ST6GAL1: variants seen among roughly 807,000 people sequenced by gnomAD.
ST6GAL1 encodes the protein ST6 beta-galactoside alpha-2,6-sialyltransferase 1.
Under a neutral mutation model 38.0 loss-of-function variants are expected in ST6GAL1, and 20 were observed. The ratio of observed to expected loss-of-function variants is 0.53; its 90% CI spans 0.37 to 0.77. ST6GAL1 has a LOEUF of 0.77. Among genes scored for constraint, ST6GAL1 ranks in the 30% least tolerant of loss-of-function variants. The pLI, the probability that ST6GAL1 is intolerant of heterozygous loss-of-function variation, is 0.00. For synonymous variants in ST6GAL1, 196 were observed against 188.2 expected (o/e 1.04, Z -0.34); for missense variants, 432 against 496.4 (o/e 0.87, Z 1.23).
At chr3:186,995,197 A>G (rs1716322688) in intron 2 of ST6GAL1, among the ~76,000 whole-genome samples, 1 of 152,050 alleles carries the variant, frequency 6.6e-6, no homozygotes, top group East Asian at 1.9e-4. Flanking sequence ...AGTGCAATAG[A>G]TTGATAAGAC....
At chr3:186,933,327 C>T (rs971542560) in intron 1 of ST6GAL1, among the ~76,000 whole-genome samples, 3 of 152,176 alleles carry the variant, frequency 2.0e-5, no homozygotes, top group Non-Finnish European at 2.9e-5. Flanking sequence ...GGGACCAACC[C>T]GGTGTCCCCT....
intron 1 of ST6GAL1, among the ~76,000 whole-genome samples, chr3:186,937,507 A>C (rs1714004562): frequency 1.3e-5 from 2 of 152,212 alleles, no homozygotes; most frequent in Non-Finnish European, 2.9e-5. Context: ...GCATATGTTA[A>C]ATGAGCAACT....
intron 2 of ST6GAL1, among the ~76,000 whole-genome samples, chr3:186,967,984 G>A (rs766050434): frequency 3.3e-5 from 5 of 152,230 alleles, no homozygotes; most frequent in Non-Finnish European, 7.3e-5. Context: ...CAATCCAAGA[G>A]AGAGAGGGTG....
chr3:187,052,053 G>A (rs1718533939), intron 5 of ST6GAL1, among the ~76,000 whole-genome samples: 1 of 152,126 alleles, frequency 6.6e-6, no homozygotes, highest in African/African-American at 2.4e-5. Flanking sequence ...TGTGCTCTGG[G>A]GGTTTTTATG....
intron 3 of ST6GAL1, among the ~76,000 whole-genome samples, chr3:187,040,947 G>A (rs1718104998): frequency 6.6e-6 from 1 of 152,202 alleles, no homozygotes. Flanking sequence ...TGAGCTGGAT[G>A]TCAGTTCATG....
chr3:187,021,267 G>A (rs1015395915), intron 2 of ST6GAL1, among the ~76,000 whole-genome samples: 1 of 152,112 alleles, frequency 6.6e-6, no homozygotes, highest in South Asian at 2.1e-4. Flanking sequence ...TGGACTATGT[G>A]TTGGTTTCCA....
chr3:186,954,819 A>C (rs1395339007), intron 1 of ST6GAL1, among the ~76,000 whole-genome samples: 1 of 152,134 alleles, frequency 6.6e-6, no homozygotes, highest in East Asian at 1.9e-4. Flanking sequence ...TGTTGTGCAG[A>C]AGCTCTTTAG....
At chr3:186,949,347 G>T (rs1245922987) in intron 1 of ST6GAL1, among the ~76,000 whole-genome samples, 2 of 152,190 alleles carry the variant, frequency 1.3e-5, no homozygotes, top group Non-Finnish European at 2.9e-5. Flanking sequence ...TTGCCTTTGT[G>T]GACTGCACAG....
At chr3:187,020,582 C>CA (rs1553827078) in intron 2 of ST6GAL1, among the ~76,000 whole-genome samples, 2 of 152,216 alleles carry the variant, frequency 1.3e-5, no homozygotes, top group Non-Finnish European at 2.9e-5. Flanking sequence ...CTGTGTAAGG[C>CA]GCCACATTAT....
intron 2 of ST6GAL1, among the ~76,000 whole-genome samples, chr3:187,009,901 A>G (rs184110376): frequency 1.3e-5 from 2 of 152,200 alleles, no homozygotes; most frequent in African/African-American, 4.8e-5. Flanking sequence ...GCTACTCAGG[A>G]GGCCGAGGCA....
intron 2 of ST6GAL1, among the ~76,000 whole-genome samples, chr3:186,999,990 A>G (rs1450726617): frequency 2.0e-5 from 3 of 152,076 alleles, no homozygotes; most frequent in African/African-American, 7.2e-5. Context: ...GGCGTGCACT[A>G]TCACACTGAG....
rs978086883 is a variant in ST6GAL1 at position 187,071,475 on chromosome 3, C to T, written c.706-1374C>T. Among the ~76,000 whole-genome samples, 4 of 151,138 alleles carry T rather than the reference C, an allele frequency of 2.6e-5. No individual in the cohort carries two copies. The South Asian group carries it at 8.4e-4, about 32-fold the overall frequency. Reference sequence around the variant, plus strand: ...GATCAGAAAATGAGGGCCGGCCGGGCGCGGTGGCTCATGCCTGTAATCCCA... The same window carrying T: ...GATCAGAAAATGAGGGCCGGCCGGGTGCGGTGGCTCATGCCTGTAATCCCA... On this transcript the variant is annotated intron_variant, in intron 5 of 7. Coordinates refer to ENST00000169298, the MANE Select transcript of ST6GAL1 (RefSeq NM_173216.2).
rs1368453583 is a variant in ST6GAL1 at position 187,043,301 on chromosome 3, A to G, written c.598A>G (p.Arg200Gly). Residue 200 changes from arginine (R) to glycine (G), a missense_variant, in exon 4 of 8, where the codon AGA becomes GGA. Transcript: ENST00000169298. Reference sequence around the variant, plus strand: ...ATCTCTGAAGTCCTCCCAACTAGGCAGAGAAATCGGTATGTTCTGGGGTTG... The same window carrying G: ...ATCTCTGAAGTCCTCCCAACTAGGCGGAGAAATCGGTATGTTCTGGGGTTG... ...AGSLKSSQLG[R>G]EIDDHDAVLR... The G allele has an allele frequency of 6.2e-7, 1 of 1,613,088 alleles. No homozygotes were observed. The highest frequency in any genetic ancestry group is 1.7e-5 in the Admixed American group (1 of 59,974).
At chr3:186,965,263 A>G (rs1367072913) in intron 2 of ST6GAL1, among the ~76,000 whole-genome samples, 1 of 152,250 alleles carries the variant, frequency 6.6e-6, no homozygotes, top group Non-Finnish European at 1.5e-5. Context: ...GCAGGACATA[A>G]GAGCCAGAAC....
intron 2 of ST6GAL1, among the ~76,000 whole-genome samples, chr3:187,016,391 T>C (rs1191329424): frequency 6.6e-6 from 1 of 151,840 alleles, no homozygotes; most frequent in Non-Finnish European, 1.5e-5. Context: ...AGTGCGGGAG[T>C]GCAGGAGAGT....
intron 2 of ST6GAL1, among the ~76,000 whole-genome samples, chr3:187,009,535 G>A (rs2108557738): frequency 6.6e-6 from 1 of 152,332 alleles, no homozygotes; most frequent in Admixed American, 6.5e-5. Context: ...GGGAGGCTGA[G>A]GAGGGAGGAT....
Position 187,025,076 on chromosome 3 carries a change from CCCAGGGGTGGTACGATTCTG to C in ST6GAL1, c.-182-13651_-182-13632del, listed in dbSNP as rs1222052760. Among the ~76,000 whole-genome samples the C allele has an allele frequency of 1.8e-4, 27 of 151,732 alleles. 1 individual carries two copies. In the South Asian group the frequency reaches 5.6e-3, roughly 32 times the overall value. ...TCTGAGGGTCTACGTTCTCAATTCT[CCCAGGGGTGGTACGATTCTG>C]CCAGGGGTGGTACGTAGGTAATTCT... On this transcript the variant is annotated intron_variant, in intron 2 of 7. Coordinates refer to ENST00000169298, the MANE Select transcript of ST6GAL1 (RefSeq NM_173216.2).
chr3:187,033,888 A>G (rs1717838133), intron 2 of ST6GAL1, among the ~76,000 whole-genome samples: 1 of 152,208 alleles, frequency 6.6e-6, no homozygotes, highest in African/African-American at 2.4e-5. Context: ...CTGGCAGAAA[A>G]AGAAAAAAAT....
Position 186,980,603 on chromosome 3 carries a change from C to CAAAAA in ST6GAL1, c.-183+16695_-183+16699dup, listed in dbSNP as rs34503745. ...TGAAACCCATTCTCTACTAAAATTA[C>CAAAAA]AAAAAAAAAAAAAAAAAAAAAATTA... On this transcript the variant is annotated intron_variant, in intron 2 of 7. Transcript: ENST00000169298. Among the ~76,000 whole-genome samples, 9 of 92,154 alleles carry CAAAAA rather than the reference C, an allele frequency of 9.8e-5. No individual in the cohort carries two copies. In the South Asian group the frequency reaches 2.3e-3, roughly 23 times the overall value. The allele number at this position is 92,154 out of a possible 152,430, so 60.5% of individuals were successfully genotyped here.
Sources: gnomAD v4.1 joint callset for allele counts (sites outside exome capture counted in the v4.1 genomes callset) on GRCh38, gnomAD v4.1.1 for gene constraint, MANE v1.5 for transcripts, NCBI Gene and HGNC (gene_info 2026-07-23, HGNC 2026-07-21) for gene names.